Variants in ZNF169 observed in about 807,000 individuals in gnomAD.
ZNF169 encodes zinc finger protein 169.
ZNF169 carries 11 observed loss-of-function variants against 12.0 expected under a neutral mutation model. The ratio of observed to expected loss-of-function variants is 0.92; its 90% CI spans 0.58 to 1.52. The LOEUF is 1.52. Ranked by LOEUF, ZNF169 falls within the 40% of genes most tolerant of loss-of-function variation. The probability of loss-of-function intolerance (pLI) is 0.00; values close to 1 mark genes in which losing one functional copy is unlikely to be tolerated. For missense variants in ZNF169, 722 were observed against 744.0 expected (o/e 0.97, Z 0.34); for synonymous variants, 302 against 286.5 (o/e 1.05, Z -0.55).
chr9:94,279,421 G>C (rs1361450105), intron 2 of ZNF169, among the ~76,000 whole-genome samples: 1 of 151,456 alleles, frequency 6.6e-6, no homozygotes, highest in Non-Finnish European at 1.5e-5. Flanking sequence ...GCTCTCAAAA[G>C]AGAAATTGTC....
intron 2 of ZNF169, among the ~76,000 whole-genome samples, chr9:94,291,579 G>A (rs544926656): frequency 2.0e-5 from 3 of 152,160 alleles, no homozygotes; most frequent in South Asian, 2.1e-4. Context: ...CTCAAGGAAC[G>A]AAGGGAAAAA....
chr9:94,268,126 T>A (rs1218091144), intron 1 of ZNF169, among the ~76,000 whole-genome samples: 1 of 151,936 alleles, frequency 6.6e-6, no homozygotes, highest in Non-Finnish European at 1.5e-5. Flanking sequence ...CACCTCGGCC[T>A]CCCAAAGTGC....
rs774400324 is a variant in ZNF169, at chr9:94,300,284, CT to C, written c.730del (p.Cys244AlafsTer88). The C allele has an allele frequency of 1.2e-4, 193 of 1,614,094 alleles. No homozygotes were observed. The highest frequency in any genetic ancestry group is 1.6e-4 in the Non-Finnish European group (184 of 1,180,046). ...ATGTGTGCCCTGAATGCGGGAGAGG[CT>C]TTTGCCAGAGATCAGACCTTATCAA... ...HHVCPECGRG[F>X]CQRSDLIKHQ... On this transcript the variant is annotated frameshift_variant, in exon 5 of 5. Transcript: ENST00000395395. LOFTEE classifies it low-confidence loss of function (END_TRUNC).
chr9:94,271,505 C>G (rs9695761), intron 1 of ZNF169, among the ~76,000 whole-genome samples: 3 of 151,800 alleles, frequency 2.0e-5, no homozygotes, highest in Admixed American at 6.6e-5. Context: ...GCAGATCACT[C>G]GGTCAAAAGA....
intron 2 of ZNF169, among the ~76,000 whole-genome samples, chr9:94,289,566 G>A (rs1361417472): frequency 3.3e-5 from 5 of 152,206 alleles, no homozygotes; most frequent in African/African-American, 1.2e-4. Context: ...GAGGCAGGTG[G>A]ATCACCTGTG....
intron 1 of ZNF169, among the ~76,000 whole-genome samples, chr9:94,263,610 A>G (rs1480079492): frequency 4.0e-5 from 6 of 151,740 alleles, no homozygotes; most frequent in Non-Finnish European, 7.4e-5. Flanking sequence ...GCTATTCTCC[A>G]ACTCGTGGGC....
chr9:94,284,924 A>C (rs911095137), intron 2 of ZNF169, among the ~76,000 whole-genome samples: 2 of 152,176 alleles, frequency 1.3e-5, no homozygotes, highest in African/African-American at 4.8e-5. Flanking sequence ...TGAATAGCCA[A>C]AACAATCTTG....
At chr9:94,278,675 CT>C in intron 1 of ZNF169, 82 bp from the exon 2 acceptor site, 1 of 712,546 alleles carries the variant, frequency 1.4e-6, no homozygotes, top group Non-Finnish European at 2.4e-6. Flanking sequence ...TGTTCCTCTA[CT>C]CCCTACTGAA....
intron 4 of ZNF169, among the ~76,000 whole-genome samples, chr9:94,299,210 C>G (rs970678360): frequency 2.6e-5 from 4 of 152,206 alleles, no homozygotes; most frequent in Non-Finnish European, 5.9e-5. Flanking sequence ...TTCAAGAGGA[C>G]TTAAGGGTGT....
chr9:94,263,791 T>G (rs1366244987), intron 1 of ZNF169, among the ~76,000 whole-genome samples: 1 of 152,086 alleles, frequency 6.6e-6, no homozygotes, highest in Admixed American at 6.6e-5. Context: ...CTGTTTTTTT[T>G]CTTCCCCTGT....
At position 94,271,875 on chromosome 9, in the gene ZNF169, G is replaced by T. The variant is rs192554370; in HGVS notation, c.-55-6883G>T. ...GTGTATGGCTTTGTCAGGTTTTGGTGTCTGGATTATGTTGGCCTCATAAAA... is the reference window on the plus strand; with the variant it reads ...GTGTATGGCTTTGTCAGGTTTTGGTTTCTGGATTATGTTGGCCTCATAAAA... On this transcript the variant is annotated intron_variant, in intron 1 of 4. Coordinates refer to ENST00000395395, the MANE Select transcript of ZNF169 (RefSeq NM_194320.4). Among the ~76,000 whole-genome samples, 19 of 152,164 alleles carry T rather than the reference G, an allele frequency of 1.2e-4. No homozygotes were observed. The East Asian group carries it at 3.7e-3, about 29-fold the overall frequency.
chr9:94,293,569 C>CA (rs113274077), intron 4 of ZNF169: 19,056 of 176,884 alleles, frequency 0.11, 1,775 homozygotes, highest in East Asian at 0.36. Context: ...AGGTGCCCGC[C>CA]ATCATGCCCA....
chr9:94,301,451 A>G lies in ZNF169; in HGVS notation c.*81A>G, dbSNP rs1387254909. 16 of 1,452,764 alleles carry G rather than the reference A, an allele frequency of 1.1e-5. No homozygotes were observed. Among genetic ancestry groups the G allele is most frequent in the Non-Finnish European group, 1.3e-5 (14 of 1,100,400 alleles). The allele number at this position is 1,452,764 out of a possible 1,614,324, so 90.0% of individuals were successfully genotyped here. A position where few individuals can be genotyped will look rare whatever the true frequency, so the allele number is the denominator to read the frequency against. On this transcript the variant is annotated 3_prime_UTR_variant, in exon 5 of 5. Coordinates refer to ENST00000395395, the MANE Select transcript of ZNF169 (RefSeq NM_194320.4). ...TTTCCTGAAATGGAATGGAAAAAAAAAAATGTTGCTTTCTTTCATCGATCA... is the reference window on the plus strand; with the variant it reads ...TTTCCTGAAATGGAATGGAAAAAAAGAAATGTTGCTTTCTTTCATCGATCA...
chr9:94,291,825 G>A (rs1182471115), intron 2 of ZNF169, among the ~76,000 whole-genome samples: 4 of 152,018 alleles, frequency 2.6e-5, no homozygotes, highest in Non-Finnish European at 4.4e-5. Flanking sequence ...AATCATAGAC[G>A]GTCTAAACAA....
rs562525807 is a variant in ZNF169, at chr9:94,301,552, C to T, written c.*182C>T. ...TTGCTAGGGGTTCCATAACAAAGTACCCCAGGCTGGGTGATTTTGACAACG... is the reference window on the plus strand; with the variant it reads ...TTGCTAGGGGTTCCATAACAAAGTATCCCAGGCTGGGTGATTTTGACAACG... On this transcript the variant is annotated 3_prime_UTR_variant, in exon 5 of 5. Coordinates refer to ENST00000395395, the MANE Select transcript of ZNF169 (RefSeq NM_194320.4). 2,105 of 1,129,134 alleles carry T rather than the reference C, an allele frequency of 1.9e-3. 15 individuals carry two copies. The highest frequency in any genetic ancestry group is 1.6e-3 in the Non-Finnish European group (1,360 of 837,024). 69.9% of individuals were successfully genotyped at this position (1,129,134 alleles called of 1,614,324 possible).
At chr9:94,279,390 C>CA (rs1336711138) in intron 2 of ZNF169, among the ~76,000 whole-genome samples, 23 of 145,696 alleles carry the variant, frequency 1.6e-4, no homozygotes, top group East Asian at 6.0e-4. Context: ...GACTCCATCT[C>CA]AAAAAAAAAA....
chr9:94,286,196 A>G (rs969987945), intron 2 of ZNF169, among the ~76,000 whole-genome samples: 2 of 152,198 alleles, frequency 1.3e-5, no homozygotes, highest in Admixed American at 6.5e-5. Context: ...AACATTTAAC[A>G]TATCGCAAAT....
chr9:94,277,317 T>C (rs537536188), intron 1 of ZNF169, among the ~76,000 whole-genome samples: 125 of 152,302 alleles, frequency 8.2e-4, no homozygotes, highest in African/African-American at 2.7e-3. Context: ...GTAAAATATT[T>C]CTTATCAGAC....
intron 3 of ZNF169, 121 bp from the exon 4 acceptor site, chr9:94,292,853 C>G (rs1203811196): frequency 1.3e-6 from 1 of 784,028 alleles, no homozygotes; most frequent in African/African-American, 1.7e-5. Flanking sequence ...TAGTTTACTC[C>G]ACCCCTGCAC....
Sources: allele counts gnomAD v4.1 joint callset (sites outside exome capture counted in the v4.1 genomes callset), GRCh38; gene constraint gnomAD v4.1.1; transcripts MANE v1.5; gene names NCBI Gene and HGNC (gene_info 2026-07-23, HGNC 2026-07-21).